FOCAD: variants seen among roughly 807,000 people sequenced by gnomAD.
The protein encoded by FOCAD is focadhesin.
A neutral mutation model predicts 225.6 loss-of-function variants in FOCAD; 198 were observed. That is an observed-to-expected ratio of 0.88 (90% CI 0.78 to 0.99). The LOEUF (loss-of-function observed/expected upper bound fraction) is 0.99, where lower values mean the gene tolerates loss of function less well. Among genes scored for constraint, FOCAD ranks in the 50% least tolerant of loss-of-function variants. FOCAD has a pLI of 0.00. For missense variants in FOCAD, 2,713 were observed against 2,123.6 expected, an observed-to-expected ratio of 1.28 and a Z score of -5.46; for synonymous variants, 897 against 755.0, an observed-to-expected ratio of 1.19 and a Z score of -3.08.
chr9:20,689,082 A>G (rs1020792928), intron 1 of FOCAD, among the ~76,000 whole-genome samples: 1 of 152,240 alleles, frequency 6.6e-6, no homozygotes, highest in African/African-American at 2.4e-5. Context: ...TTGAGATAAC[A>G]TAATTGGTTC....
intron 35 of FOCAD, chr9:20,957,473 C>CTTTTTTTTTTTTTTTTTTT (rs1434022347): frequency 4.0e-5 from 2 of 49,460 alleles, no homozygotes; most frequent in East Asian, 1.1e-3. Flanking sequence ...AACATCTTTT[C>CTTTTTTTTTTTTTTTTTTT]TTTTCTTTTT....
In FOCAD at chr9:20,957,086, A is replaced by G. The variant is rs549229221; in HGVS notation, c.4132+4021A>G. 1.8e-4 allele frequency among the ~76,000 whole-genome samples: 28 copies of G among 152,280 alleles called. No individual in the cohort carries two copies. In the South Asian group the frequency reaches 5.6e-3, roughly 30 times the overall value. ...TAATAACAGCTATTATTTTTGAGACAAGGTCTCGGCTCTATCACCCAGGGT... is the reference window on the plus strand; with the variant it reads ...TAATAACAGCTATTATTTTTGAGACGAGGTCTCGGCTCTATCACCCAGGGT... On this transcript the variant is annotated intron_variant, in intron 35 of 43. Coordinates refer to ENST00000338382, the MANE Select transcript of FOCAD (RefSeq NM_001375567.1).
intron 37 of FOCAD, 145 bp downstream of exon 37, chr9:20,978,599 G>T (rs1037446440): frequency 3.1e-5 from 15 of 491,160 alleles, no homozygotes; most frequent in Admixed American, 1.9e-4. Flanking sequence ...TAGCTGGCCT[G>T]CATATTGGAA....
chr9:20,800,685 G>A (rs1031248511), intron 11 of FOCAD, among the ~76,000 whole-genome samples: 1 of 152,096 alleles, frequency 6.6e-6, no homozygotes, highest in African/African-American at 2.4e-5. Context: ...TCGTGCCGTG[G>A]TTTTCAGCTC....
intron 11 of FOCAD, among the ~76,000 whole-genome samples, chr9:20,811,388 C>T (rs922671778): frequency 6.6e-6 from 1 of 152,010 alleles, no homozygotes; most frequent in Non-Finnish European, 1.5e-5. Flanking sequence ...TCAATAAATG[C>T]TAGCTGTTGT....
intron 20 of FOCAD, among the ~76,000 whole-genome samples, chr9:20,882,988 A>G (rs1459763772): frequency 6.6e-6 from 1 of 152,146 alleles, no homozygotes; most frequent in African/African-American, 2.4e-5. Context: ...CAAAAGTTAT[A>G]ATCAGTCCTA....
chr9:20,837,813 A>G (rs973684335), intron 15 of FOCAD, among the ~76,000 whole-genome samples: 2 of 152,132 alleles, frequency 1.3e-5, no homozygotes, highest in Admixed American at 6.6e-5. Context: ...CTATGTAAAC[A>G]TGTCCATAAG....
intron 4 of FOCAD, among the ~76,000 whole-genome samples, chr9:20,736,036 C>G (rs1288473142): frequency 6.6e-6 from 1 of 152,042 alleles, no homozygotes; most frequent in Non-Finnish European, 1.5e-5. Context: ...GTATTTTACT[C>G]ACTTTTTTGG....
chr9:20,768,042 A>G (rs1018982989), intron 7 of FOCAD, among the ~76,000 whole-genome samples: 16 of 150,970 alleles, frequency 1.1e-4, no homozygotes, highest in African/African-American at 3.6e-4. Flanking sequence ...CTTTCTCCAT[A>G]TGGCTAGCCA....
At chr9:20,930,065 C>T (rs943176092) in intron 27 of FOCAD, among the ~76,000 whole-genome samples, 11 of 152,060 alleles carry the variant, frequency 7.2e-5, no homozygotes, top group African/African-American at 2.4e-4. Context: ...TACATGTACC[C>T]GGCTTTAAAT....
chr9:20,976,056 A>T (rs545471440), intron 35 of FOCAD, among the ~76,000 whole-genome samples: 1 of 152,312 alleles, frequency 6.6e-6, no homozygotes, highest in South Asian at 2.1e-4. Flanking sequence ...ATAGCTAGAT[A>T]AAAAGATTTT....
intron 4 of FOCAD, among the ~76,000 whole-genome samples, chr9:20,736,624 A>G (rs1158808063): frequency 6.6e-6 from 1 of 152,184 alleles, no homozygotes; most frequent in African/African-American, 2.4e-5. Flanking sequence ...CTGTGCTTAC[A>G]CAGCGTCATC....
intron 40 of FOCAD, 89 bp from the exon 41 acceptor site, chr9:20,988,243 T>C (rs1456587154): frequency 1.4e-6 from 1 of 723,014 alleles, no homozygotes; most frequent in Non-Finnish European, 2.3e-6. Flanking sequence ...CACCAGGTGT[T>C]CTGCTTTAGT....
chr9:20,871,641 G>A (rs566372381), intron 18 of FOCAD, among the ~76,000 whole-genome samples: 1 of 148,634 alleles, frequency 6.7e-6, no homozygotes, highest in Admixed American at 6.7e-5. Context: ...ATAACCTATG[G>A]AAATAAAAAA....
upstream of FOCAD, among the ~76,000 whole-genome samples, chr9:20,681,701 C>T (rs1265682935): frequency 6.6e-6 from 1 of 152,154 alleles, no homozygotes; most frequent in Non-Finnish European, 1.5e-5. Context: ...ATCTCCTGTG[C>T]CTACCACAGT....
intron 27 of FOCAD, among the ~76,000 whole-genome samples, chr9:20,931,791 G>A (rs1002203689): frequency 3.9e-5 from 6 of 151,902 alleles, no homozygotes; most frequent in South Asian, 2.1e-4. Flanking sequence ...CCAGCTACTC[G>A]GGAAGCTGAG....
chr9:20,802,710 G>A (rs1821980928), intron 11 of FOCAD, among the ~76,000 whole-genome samples: 1 of 152,144 alleles, frequency 6.6e-6, no homozygotes, highest in Non-Finnish European at 1.5e-5. Context: ...TTAGATTGCA[G>A]TAAAATTTCA....
At chr9:20,683,402 G>A (rs1342823271), upstream of FOCAD, 1 of 151,932 alleles carries the variant, frequency 6.6e-6, no homozygotes, top group Non-Finnish European at 1.5e-5. Flanking sequence ...TTCATCTTGC[G>A]TAAAATTTCC....
intron 2 of FOCAD, among the ~76,000 whole-genome samples, chr9:20,670,212 G>C (rs1162852235): frequency 6.6e-6 from 1 of 152,182 alleles, no homozygotes; most frequent in Non-Finnish European, 1.5e-5. Flanking sequence ...TGAATGGGTA[G>C]ATTAAATTTA....
Sources: allele counts gnomAD v4.1 joint callset (sites outside exome capture counted in the v4.1 genomes callset), GRCh38; gene constraint gnomAD v4.1.1; transcripts MANE v1.5; gene names NCBI Gene and HGNC (gene_info 2026-07-23, HGNC 2026-07-21).